Variants in SYT16 observed in about 807,000 individuals in gnomAD.
The protein encoded by SYT16 is synaptotagmin 16, also known as synaptotagmin-16.
Under a neutral mutation model 61.4 loss-of-function variants are expected in SYT16, and 42 were observed. That is an observed-to-expected ratio of 0.68 (90% CI 0.53 to 0.89). The LOEUF is 0.89. Among genes scored for constraint, SYT16 ranks in the 40% least tolerant of loss-of-function variants. The probability of loss-of-function intolerance (pLI) is 0.00; values close to 1 mark genes in which losing one functional copy is unlikely to be tolerated. For missense variants in SYT16, 804 were observed against 807.3 expected (o/e 1.00, Z 0.05); for synonymous variants, 314 against 302.3 (o/e 1.04, Z -0.40).
At chr14:61,834,169 C>T (rs868699797) in intron 1 of SYT16, among the ~76,000 whole-genome samples, 11 of 152,056 alleles carry the variant, frequency 7.2e-5, no homozygotes, top group African/African-American at 2.4e-4. Flanking sequence ...CTCCCACTGT[C>T]GCCTGGGCTG....
chr14:61,820,350 G>T (rs1220761291), intron 1 of SYT16, among the ~76,000 whole-genome samples: 2 of 151,902 alleles, frequency 1.3e-5, no homozygotes, highest in African/African-American at 4.8e-5. Context: ...AGGGTTTTGA[G>T]CACTTCTCCG....
At chr14:61,818,679 A>G (rs1461521821) in intron 1 of SYT16, among the ~76,000 whole-genome samples, 1 of 122,266 alleles carries the variant, frequency 8.2e-6, no homozygotes, top group African/African-American at 3.0e-5. Context: ...CTCTGTCTCA[A>G]AAAAAAAAAA....
chr14:62,083,762 T>C (rs1306593510), intron 6 of SYT16, among the ~76,000 whole-genome samples: 1 of 152,136 alleles, frequency 6.6e-6, no homozygotes, highest in Non-Finnish European at 1.5e-5. Flanking sequence ...ACGCCTCCTG[T>C]ATTGCCATAT....
chr14:61,862,232 C>A (rs1428254970), intron 1 of SYT16, among the ~76,000 whole-genome samples: 1 of 152,180 alleles, frequency 6.6e-6, no homozygotes, highest in East Asian at 1.9e-4. Context: ...ACATTTCTCT[C>A]ATGCCAAAAA....
intron 3 of SYT16, among the ~76,000 whole-genome samples, chr14:62,047,900 C>T (rs367696404): frequency 6.6e-6 from 1 of 152,228 alleles, no homozygotes; most frequent in Non-Finnish European, 1.5e-5. Context: ...AGGATTTTTG[C>T]ATCAACGTTC....
intron 3 of SYT16, among the ~76,000 whole-genome samples, chr14:62,067,238 A>T (rs1483913536): frequency 6.6e-6 from 1 of 152,218 alleles, no homozygotes; most frequent in Non-Finnish European, 1.5e-5. Context: ...ATTGTTTTAC[A>T]TATTGAGAGA....
chr14:61,961,934 C>T (rs1276460575), intron 1 of SYT16, among the ~76,000 whole-genome samples: 1 of 152,044 alleles, frequency 6.6e-6, no homozygotes, highest in Non-Finnish European at 1.5e-5. Flanking sequence ...TACTACATAG[C>T]CATAGAAAAG....
At chr14:62,032,418 G>A (rs2054341807) in intron 3 of SYT16, among the ~76,000 whole-genome samples, 2 of 151,862 alleles carry the variant, frequency 1.3e-5, no homozygotes, top group South Asian at 4.2e-4. Flanking sequence ...AAAGAATCAA[G>A]GATCATTTTC....
intron 1 of SYT16, among the ~76,000 whole-genome samples, chr14:61,931,194 T>C (rs1189138444): frequency 1.3e-5 from 2 of 152,076 alleles, no homozygotes; most frequent in African/African-American, 2.4e-5. Flanking sequence ...ACTTTGTAAA[T>C]AGGAGGAAAT....
At chr14:61,847,123 G>A (rs1351917857) in intron 1 of SYT16, among the ~76,000 whole-genome samples, 1 of 152,088 alleles carries the variant, frequency 6.6e-6, no homozygotes. Flanking sequence ...GTTTCTCCTT[G>A]TACTTACTGT....
At chr14:62,024,530 G>A (rs1022204553) in intron 3 of SYT16, among the ~76,000 whole-genome samples, 5 of 152,148 alleles carry the variant, frequency 3.3e-5, no homozygotes, top group Admixed American at 6.6e-5. Flanking sequence ...ATCGGAAAGT[G>A]CATAGTTCCC....
chr14:61,860,740 C>A (rs1011014754), intron 1 of SYT16, among the ~76,000 whole-genome samples: 7 of 152,184 alleles, frequency 4.6e-5, no homozygotes, highest in Non-Finnish European at 1.0e-4. Flanking sequence ...CATTGAGGAT[C>A]CACCTGAGGC....
At chr14:62,039,637 A>G (rs1415890419) in intron 3 of SYT16, among the ~76,000 whole-genome samples, 1 of 152,158 alleles carries the variant, frequency 6.6e-6, no homozygotes, top group African/African-American at 2.4e-5. Context: ...AAGAATAGAG[A>G]CAGCATTTAT....
chr14:61,968,185 CA>C (rs1161177051), intron 1 of SYT16, among the ~76,000 whole-genome samples: 3 of 152,072 alleles, frequency 2.0e-5, no homozygotes, highest in African/African-American at 4.8e-5. Flanking sequence ...CGCTTAAACT[CA>C]GGAGGCGGAG....
chr14:61,925,655 T>C (rs2049507134), intron 1 of SYT16, among the ~76,000 whole-genome samples: 1 of 152,192 alleles, frequency 6.6e-6, no homozygotes, highest in Non-Finnish European at 1.5e-5. Flanking sequence ...AATTTCCTGG[T>C]TAGGCTTTAT....
intron 1 of SYT16, among the ~76,000 whole-genome samples, chr14:61,866,486 C>T (rs1221009671): frequency 6.6e-6 from 1 of 152,048 alleles, no homozygotes; most frequent in African/African-American, 2.4e-5. Context: ...CAAGGTATCT[C>T]ATGTTGGTTT....
chr14:61,891,207 T>A (rs2048112399), intron 1 of SYT16, among the ~76,000 whole-genome samples: 1 of 151,046 alleles, frequency 6.6e-6, no homozygotes, highest in Admixed American at 6.6e-5. Context: ...TTGGTCCACC[T>A]TCCAGGACAT....
intron 3 of SYT16, among the ~76,000 whole-genome samples, chr14:62,033,689 C>T (rs2054394106): frequency 1.4e-5 from 1 of 71,452 alleles, no homozygotes; most frequent in Non-Finnish European, 2.9e-5. Flanking sequence ...ACAGCCTTCT[C>T]ATATCATACA....
intron 1 of SYT16, among the ~76,000 whole-genome samples, chr14:61,918,270 A>G (rs1226578245): frequency 6.6e-6 from 1 of 152,076 alleles, no homozygotes; most frequent in East Asian, 1.9e-4. Flanking sequence ...GATTAGAAGG[A>G]CCCAGAGATC....
Sources: allele counts gnomAD v4.1 joint callset (sites outside exome capture counted in the v4.1 genomes callset), GRCh38; gene constraint gnomAD v4.1.1; transcripts MANE v1.5; gene names NCBI Gene and HGNC (gene_info 2026-07-23, HGNC 2026-07-21).